ANO1: variants seen among roughly 807,000 people sequenced by gnomAD.
ANO1 encodes the protein anoctamin-1.
A neutral mutation model predicts 124.0 loss-of-function variants in ANO1; 59 were observed. The observed-to-expected ratio is 0.48, with a 90% confidence interval of 0.39 to 0.59. The LOEUF (loss-of-function observed/expected upper bound fraction) is 0.59, where lower values mean the gene tolerates loss of function less well. ANO1 is among the 20% of genes least tolerant of loss of function. The probability of loss-of-function intolerance (pLI) is 0.00; values close to 1 mark genes in which losing one functional copy is unlikely to be tolerated. For synonymous variants in ANO1, 529 were observed against 532.0 expected (o/e 0.99, Z 0.08); for missense variants, 1,059 against 1,328.0 (o/e 0.80, Z 3.15).
Position 70,006,305 on chromosome 11 carries a change from C to G in ANO1, c.58+20139C>G, listed in dbSNP as rs143582891. 2.3e-4 allele frequency among the ~76,000 whole-genome samples: 35 copies of G among 152,294 alleles called. No homozygotes were observed. The East Asian group carries it at 6.0e-3, about 26-fold the overall frequency. The stretch of plus-strand genomic sequence containing the variant: ...CATTGTCAACCTGGTTTTCCCCCTC[C>G]CATCATGACATTTTATCCCTCATGG... On this transcript the variant is annotated intron_variant, in intron 1 of 27. Transcript: ENST00000531349.
At chr11:70,147,180 A>G (rs1359173708) in intron 11 of ANO1, among the ~76,000 whole-genome samples, 1 of 152,246 alleles carries the variant, frequency 6.6e-6, no homozygotes, top group African/African-American at 2.4e-5. Context: ...GGGCGGGCAG[A>G]GGAGGACAGA....
At chr11:70,128,883 A>T (rs2046630622) in intron 10 of ANO1, among the ~76,000 whole-genome samples, 1 of 152,182 alleles carries the variant, frequency 6.6e-6, no homozygotes. Context: ...AGCCTAGGAG[A>T]GCGGTAGGGC....
chr11:70,087,851 C>A lies in ANO1; in HGVS notation c.208C>A (p.His70Asn). ...GGTGGACTACATCCTGGTGTACCATCACAAGAGGCCCTCGGGCAACCGGAC... is the reference window on the plus strand; with the variant it reads ...GGTGGACTACATCCTGGTGTACCATAACAAGAGGCCCTCGGGCAACCGGAC... ...RKVDYILVYH[H>N]KRPSGNRTLV... Residue 70 changes from histidine (H) to asparagine (N), a missense_variant, in exon 2 of 26, where the codon CAC becomes AAC. Physicochemically the swap from His to Asn is moderately conservative, Grantham distance 68 (BLOSUM62 1). Around this residue, in one of 2 missense-constraint regions of ANO1, gnomAD observed 250 missense variants for 233.1 expected, o/e 1.07. Transcript: ENST00000355303. The A allele has an allele frequency of 6.2e-7, 1 of 1,612,954 alleles. No individual in the cohort carries two copies. Among genetic ancestry groups the A allele is most frequent in the Non-Finnish European group, 8.5e-7 (1 of 1,179,738 alleles).
At position 70,078,403 on chromosome 11, in the gene ANO1, C is replaced by T. The variant is rs937026164; in HGVS notation, c.-204C>T. 1.3e-5 allele frequency: 2 copies of T among 149,140 alleles called. No individual in the cohort carries two copies. The highest frequency in any genetic ancestry group is 2.9e-5 in the Non-Finnish European group (2 of 68,018). The allele number at this position is 149,140 out of a possible 1,614,324, so 9.2% of individuals were successfully genotyped here. On this transcript the variant is annotated 5_prime_UTR_variant, in exon 1 of 26. Coordinates refer to ENST00000355303, the MANE Select transcript of ANO1 (RefSeq NM_018043.7). ...CGATCGGCCCCGAGAGGCTCAGGCGCCCCCCGCATCGAGCGCGCGGGCCGG... is the reference window on the plus strand; with the variant it reads ...CGATCGGCCCCGAGAGGCTCAGGCGTCCCCCGCATCGAGCGCGCGGGCCGG...
intron 1 of ANO1, among the ~76,000 whole-genome samples, chr11:70,079,985 A>T (rs1191649770): frequency 6.6e-6 from 1 of 152,208 alleles, no homozygotes; most frequent in Admixed American, 6.5e-5. Context: ...GACTCACAGG[A>T]CTGGCCGGAG....
At chr11:70,104,570 A>G (rs2045418043) in intron 4 of ANO1, among the ~76,000 whole-genome samples, 2 of 152,170 alleles carry the variant, frequency 1.3e-5, no homozygotes, top group South Asian at 4.1e-4. Context: ...CCCAGGCAGG[A>G]GGCCTGAGGC....
chr11:70,034,580 G>A (rs1318103576), intron 1 of ANO1, among the ~76,000 whole-genome samples: 1 of 152,174 alleles, frequency 6.6e-6, no homozygotes, highest in Non-Finnish European at 1.5e-5. Context: ...CACCTGCCCT[G>A]GCATTTATTT....
intron 1 of ANO1, among the ~76,000 whole-genome samples, chr11:70,058,850 G>A (rs1026968243): frequency 3.3e-5 from 5 of 152,118 alleles, no homozygotes; most frequent in Non-Finnish European, 4.4e-5. Flanking sequence ...TGAATACCGA[G>A]AGCCTGAGAG....
intron 10 of ANO1, chr11:70,129,689 TCTCGA>T (rs928793634): frequency 3.3e-5 from 5 of 151,346 alleles, no homozygotes; most frequent in Admixed American, 6.6e-5. Context: ...AGTGGTGTGA[TCTCGA>T]CTCAATGCAA....
chr11:70,048,288 A>G (rs1054936598), intron 1 of ANO1, among the ~76,000 whole-genome samples: 2 of 152,198 alleles, frequency 1.3e-5, no homozygotes, highest in African/African-American at 4.8e-5. Flanking sequence ...TCTAGTTTCT[A>G]TAAACTCTAT....
At chr11:70,172,280 G>T (rs2048509344) in intron 22 of ANO1, among the ~76,000 whole-genome samples, 1 of 152,064 alleles carries the variant, frequency 6.6e-6, no homozygotes, top group African/African-American at 2.4e-5. Flanking sequence ...AGGGTGAGGG[G>T]TATGGGAGCC....
At chr11:70,057,162 G>T (rs1354885670) in intron 1 of ANO1, among the ~76,000 whole-genome samples, 1 of 152,116 alleles carries the variant, frequency 6.6e-6, no homozygotes, top group Non-Finnish European at 1.5e-5. Flanking sequence ...ATTTAGCTCT[G>T]CTTCCTGGCA....
In ANO1 at chr11:70,167,637, G is replaced by A. The variant is rs116940845; in HGVS notation, c.2197+250G>A. Among the ~76,000 whole-genome samples, 498 of 152,046 alleles carry A rather than the reference G, an allele frequency of 3.3e-3. 4 individuals carry two copies. Among genetic ancestry groups the A allele is most frequent in the East Asian group, 0.027 (141 of 5,152 alleles). ...CAGAGGCCCAGGTCAAGCAGCCACCGTCCCTAGGCACGGTCCCCAAGCATG... is the reference window on the plus strand; with the variant it reads ...CAGAGGCCCAGGTCAAGCAGCCACCATCCCTAGGCACGGTCCCCAAGCATG... On this transcript the variant is annotated intron_variant, in intron 21 of 25. Transcript: ENST00000355303.
chr11:70,084,518 C>T (rs2044300571), intron 1 of ANO1, among the ~76,000 whole-genome samples: 1 of 152,272 alleles, frequency 6.6e-6, no homozygotes, highest in South Asian at 2.1e-4. Context: ...CGCTGCTCCG[C>T]ATTTAGCAGA....
intron 8 of ANO1, among the ~76,000 whole-genome samples, chr11:70,122,372 C>T (rs1189783574): frequency 1.5e-3 from 203 of 135,546 alleles, no homozygotes; most frequent in Non-Finnish European, 2.8e-3. Flanking sequence ...TCCGTCTCCC[C>T]CACCTCTCTC....
At chr11:69,982,803 C>T (rs944191862), upstream of ANO1, among the ~76,000 whole-genome samples, 6 of 152,186 alleles carry the variant, frequency 3.9e-5, no homozygotes, top group Non-Finnish European at 8.8e-5. Flanking sequence ...ATTCCCCTTC[C>T]AACCTGAGAA....
At chr11:70,082,675 G>A (rs934337612) in intron 1 of ANO1, among the ~76,000 whole-genome samples, 1 of 152,138 alleles carries the variant, frequency 6.6e-6, no homozygotes, top group African/African-American at 2.4e-5. Flanking sequence ...CCAGGCCTTC[G>A]AATTTGGAAG....
At chr11:70,103,785 A>C (rs2045374818) in intron 3 of ANO1, among the ~76,000 whole-genome samples, 1 of 152,070 alleles carries the variant, frequency 6.6e-6, no homozygotes, top group South Asian at 2.1e-4. Flanking sequence ...TCTGGAATGC[A>C]TTGTAATTGT....
chr11:70,149,897 T>C, intron 12 of ANO1, 105 bp downstream of exon 12: 1 of 1,314,574 alleles, frequency 7.6e-7, no homozygotes, highest in Non-Finnish European at 1.1e-6. Context: ...AAAGCACTTC[T>C]GGTCCAAGCT....
Sources: allele counts gnomAD v4.1 joint callset (sites outside exome capture counted in the v4.1 genomes callset), GRCh38; gene constraint gnomAD v4.1.1; regional missense constraint gnomAD v4.1.1; transcripts MANE v1.5; gene names NCBI Gene and HGNC (gene_info 2026-07-23, HGNC 2026-07-21).